PSMB4: variants seen among roughly 807,000 people sequenced by gnomAD.
PSMB4 encodes proteasome 20S subunit beta 4, also known as proteasome subunit beta type-4.
PSMB4 carries 16 observed loss-of-function variants against 35.2 expected under a neutral mutation model. The observed-to-expected ratio is 0.45, with a 90% CI of 0.31 to 0.69. The LOEUF (loss-of-function observed/expected upper bound fraction) is 0.69, where lower values mean the gene tolerates loss of function less well. Ranked by LOEUF, PSMB4 falls within the 30% of genes least tolerant of loss-of-function variation. The probability of loss-of-function intolerance (pLI) is 0.06; values close to 1 mark genes in which losing one functional copy is unlikely to be tolerated. For synonymous variants in PSMB4, 144 were observed against 134.1 expected (o/e 1.07, Z -0.51); for missense variants, 333 against 351.8 (o/e 0.95, Z 0.43).
At chr1:151,400,301 G>C in intron 2 of PSMB4, 114 bp downstream of exon 2, 1 of 1,456,142 alleles carries the variant, frequency 6.9e-7, no homozygotes, top group South Asian at 1.2e-5. Context: ...TGGAAGAGTT[G>C]TTGGAGGTGG....
At position 151,400,271 on chromosome 1, in the gene PSMB4, G is replaced by C. The variant is rs1652767411; in HGVS notation, c.347+84G>C. 1.2e-5 allele frequency: 18 copies of C among 1,503,378 alleles called. No individual in the cohort carries two copies. The East Asian group carries it at 3.9e-4, about 32-fold the overall frequency. 93.1% of individuals were successfully genotyped at this position (1,503,378 alleles called of 1,614,324 possible). ...TTTATTCCCTTCGATGGGATGGGGG[G>C]ACTTGTTGCAGCGGGGGACTGGAAG... is the stretch of plus-strand genomic sequence containing the variant. On this transcript the variant is annotated intron_variant, in intron 2 of 6. Coordinates refer to ENST00000290541, the MANE Select transcript of PSMB4 (RefSeq NM_002796.3).
Position 151,401,619 on chromosome 1 carries a change from C to G in PSMB4, c.771C>G (p.Ala257=), listed in dbSNP as rs760061076. 8.7e-6 allele frequency: 14 copies of G among 1,606,800 alleles called. No homozygotes were observed. The South Asian group carries it at 1.5e-4, about 18-fold the overall frequency. Residue 257 remains alanine (A), a synonymous_variant, in exon 6 of 7, where the codon GCC becomes GCG. Transcript: ENST00000290541. ...PLSTETNWDI[A]HMISGFE Reference sequence around the variant, plus strand: ...CTACAGAGACCAACTGGGATATTGCCCACATGATCAGGTGAGTAATAGGGA... The same window carrying G: ...CTACAGAGACCAACTGGGATATTGCGCACATGATCAGGTGAGTAATAGGGA...
rs1159959038 is a variant in PSMB4, at chr1:151,400,003, TCAGTC to T, written c.165_169del (p.Val56ArgfsTer3). 3 of 1,613,882 alleles carry T rather than the reference TCAGTC, an allele frequency of 1.9e-6. No homozygotes were observed. The highest frequency in any genetic ancestry group is 2.5e-6 in the Non-Finnish European group (3 of 1,179,946). On this transcript the variant is annotated frameshift_variant, in exon 2 of 7. Coordinates refer to ENST00000290541, the MANE Select transcript of PSMB4 (RefSeq NM_002796.3). LOFTEE classifies it high-confidence loss of function. ...TAGGAACCCCATGGTGACCGGGACC[TCAGTC>T]CTCGGCGTTAAGTTCGAGGGCGGAG...
intron 6 of PSMB4, 57 bp from the exon 7 acceptor site, chr1:151,401,760 T>G: frequency 6.3e-7 from 1 of 1,580,908 alleles, no homozygotes. Flanking sequence ...TACAGCTATT[T>G]TTAGGAATTG....
intron 4 of PSMB4, 151 bp downstream of exon 4, chr1:151,400,996 G>A (rs1242317252): frequency 8.3e-6 from 7 of 843,816 alleles, no homozygotes; most frequent in Admixed American, 2.0e-5. Flanking sequence ...GGGGCTGTAG[G>A]TGTTGACACT....
At position 151,400,445 on chromosome 1, in the gene PSMB4, T is replaced by C. The variant is rs933171351; in HGVS notation, c.351T>C (p.Ile117=). Residue 117 remains isoleucine, a synonymous_variant, in exon 3 of 7, where the codon ATT becomes ATC. Transcript: ENST00000290541. ...YLKQVLGQMV[I]DEELLGDGHS... is the part of the protein sequence containing the mutation. ...CTCACAACCAATTCCTTTTAAGGAT[T>C]GATGAGGAGCTTCTGGGAGATGGAC... 1 of 1,612,834 alleles carries C rather than the reference T, an allele frequency of 6.2e-7. No homozygotes were observed. The highest frequency in any genetic ancestry group is 2.2e-5 in the East Asian group (1 of 44,876).
chr1:151,400,238 C>T (rs750551368), intron 2 of PSMB4, 51 bp downstream of exon 2: 3 of 1,582,918 alleles, frequency 1.9e-6, no homozygotes, highest in Non-Finnish European at 2.6e-6. Flanking sequence ...GAGGGGAGTC[C>T]CCTGTTTTTT....
rs1451044185 is a variant in PSMB4, at chr1:151,401,354, G to A, written c.692G>A (p.Arg231Gln). 1.2e-6 allele frequency: 2 copies of A among 1,613,852 alleles called. No homozygotes were observed. The highest frequency in any genetic ancestry group is 8.5e-7 in the Non-Finnish European group (1 of 1,179,848). Residue 231 changes from arginine (R) to glutamine (Q), a missense_variant and splice_region_variant, in exon 5 of 7, where the codon CGG becomes CAG. Transcript: ENST00000290541. ...TACCGAGATGCCCGTTCTTACAACC[G>A]GGTGAGGGATGTGCTGGGAACCTAA... ...LYYRDARSYN[R>Q]FQIATVTEKG...
At position 151,400,771 on chromosome 1, in the gene PSMB4, G is replaced by A. The variant is rs757837361; in HGVS notation, c.502G>A (p.Gly168Ser). ...CCCATTGTGTCCTGTTAGCTTCCTC[G>A]GTTATGTGGACATGCTTGGTGTAGC... ...GGYADGESFL[G>S]YVDMLGVAYE... is the part of the protein sequence containing the mutation. The change falls in exon 4 of 7, where the codon GGT (glycine) becomes AGT (serine). Residue 168 changes from glycine to serine, a missense_variant. Transcript: ENST00000290541. 3 of 1,614,146 alleles carry A rather than the reference G, an allele frequency of 1.9e-6. No individual in the cohort carries two copies. Among genetic ancestry groups the A allele is most frequent in the East Asian group, 2.2e-5 (1 of 44,882 alleles).
chr1:151,401,394 C>A (rs2102123253), intron 5 of PSMB4, 39 bp downstream of exon 5: 1 of 1,592,704 alleles, frequency 6.3e-7, no homozygotes, highest in South Asian at 1.1e-5. Context: ...CGGGCTCTGG[C>A]TACTTGCAAT....
Position 151,400,330 on chromosome 1 carries a change from A to T in PSMB4, c.348-112A>T, listed in dbSNP as rs6697007. 97 of 1,478,632 alleles carry T rather than the reference A, an allele frequency of 6.6e-5. No individual in the cohort carries two copies. The African/African-American group carries it at 1.2e-3, about 18-fold the overall frequency. The allele number at this position is 1,478,632 out of a possible 1,614,324, so 91.6% of individuals were successfully genotyped here. ...GAGGTGGGCGATCTGTGTTTGCAAT[A>T]AAGTTTTTGGCATTAGGTGTAAAAT... is the stretch of plus-strand genomic sequence containing the variant. On this transcript the variant is annotated intron_variant, in intron 2 of 6. Coordinates refer to ENST00000290541, the MANE Select transcript of PSMB4 (RefSeq NM_002796.3).
rs757443666 is a variant in PSMB4 at position 151,399,990 on chromosome 1, G to T, written c.150G>T (p.Met50Ile). The T allele has an allele frequency of 1.2e-6, 2 of 1,613,822 alleles. No individual in the cohort carries two copies. Among genetic ancestry groups the T allele is most frequent in the Non-Finnish European group, 1.7e-6 (2 of 1,179,918 alleles). The part of the protein sequence containing the change: ...RGPITRTQNP[M>I]VTGTSVLGVK... ...CGTTCTCACTCTTTAGGAACCCCATGGTGACCGGGACCTCAGTCCTCGGCG... is the reference window on the plus strand; with the variant it reads ...CGTTCTCACTCTTTAGGAACCCCATTGTGACCGGGACCTCAGTCCTCGGCG... The change falls in exon 2 of 7, where the codon ATG becomes ATT. Residue 50 changes from methionine (M) to isoleucine (I), a missense_variant. Physicochemically the swap from Met to Ile is conservative, Grantham distance 10. Transcript: ENST00000290541.
chr1:151,401,824 G>A lies in PSMB4; in HGVS notation c.790G>A (p.Glu264Lys). Residue 264 changes from glutamate (E) to lysine (K), a missense_variant, in exon 7 of 7, where the codon GAA (glutamate) becomes AAA (lysine). Transcript: ENST00000290541. Reference sequence around the variant, plus strand: ...TCTGTCTTCCTTTTTTAGTGGCTTTGAATGAAATACAGATGCATTATCCAG... The same window carrying A: ...TCTGTCTTCCTTTTTTAGTGGCTTTAAATGAAATACAGATGCATTATCCAG... ...WDIAHMISGF[E>K] 1 of 1,610,884 alleles carries A rather than the reference G, an allele frequency of 6.2e-7. No homozygotes were observed. Among genetic ancestry groups the A allele is most frequent in the Non-Finnish European group, 8.5e-7 (1 of 1,177,070 alleles).
Position 151,399,668 on chromosome 1 carries a change from T to C in PSMB4, c.81T>C (p.Thr27=), listed in dbSNP as rs1441364563. The change falls in exon 1 of 7, where the codon ACT becomes ACC. Residue 27 remains threonine, a synonymous_variant. Coordinates refer to ENST00000290541, the MANE Select transcript of PSMB4 (RefSeq NM_002796.3). ...GACAGTTTTACCGCATTCCGTCCAC[T>C]CCCGATTCCTTCATGGATCCGGCGT... is the stretch of plus-strand genomic sequence containing the variant. The part of the protein sequence containing the change: ...APGQFYRIPS[T]PDSFMDPASA... 1 of 1,614,088 alleles carries C rather than the reference T, an allele frequency of 6.2e-7. No individual in the cohort carries two copies.
chr1:151,399,978 T>C lies in PSMB4; in HGVS notation c.141-3T>C, dbSNP rs1008360177. The C allele has an allele frequency of 5.6e-6, 9 of 1,613,360 alleles. No individual in the cohort carries two copies. The African/African-American group carries it at 1.2e-4, about 22-fold the overall frequency. ...CTCAGCTCCCACCGTTCTCACTCTT[T>C]AGGAACCCCATGGTGACCGGGACCT... On this transcript the variant is annotated splice_region_variant and splice_polypyrimidine_tract_variant and intron_variant, in intron 1 of 6. Coordinates refer to ENST00000290541, the MANE Select transcript of PSMB4 (RefSeq NM_002796.3).
At chr1:151,400,647 ATCTCTTCTGTC>A (rs1418009380) in intron 3 of PSMB4, 59 bp downstream of exon 3, 1 of 1,612,436 alleles carries the variant, frequency 6.2e-7, no homozygotes, top group African/African-American at 1.3e-5. Flanking sequence ...CCTGTGTAGT[ATCTCTTCTGTC>A]TCTTCTCCCC....
Position 151,401,898 on chromosome 1 carries a change from A to AGC in PSMB4, c.*70_*71insCG, listed in dbSNP as rs1491231289. 1.1e-5 allele frequency: 15 copies of AGC among 1,423,698 alleles called. No individual in the cohort carries two copies. The highest frequency in any genetic ancestry group is 1.4e-5 in the Non-Finnish European group (14 of 1,011,840). 88.2% of individuals were successfully genotyped at this position (1,423,698 alleles called of 1,614,324 possible). A position where few individuals can be genotyped will look rare whatever the true frequency, so the allele number is the denominator to read the frequency against. On this transcript the variant is annotated 3_prime_UTR_variant, in exon 7 of 7. Coordinates refer to ENST00000290541, the MANE Select transcript of PSMB4 (RefSeq NM_002796.3). ...CTTTGAACTTGGCTAGTTCAAAGAT[A>AGC]GACTCTTCTTTTGTAAAGTAAATAA...
At chr1:151,401,704 G>C in intron 6 of PSMB4, 74 bp downstream of exon 6, 1 of 1,538,016 alleles carries the variant, frequency 6.5e-7, no homozygotes, top group Non-Finnish European at 9.0e-7. Flanking sequence ...TTTTCTGGGA[G>C]GCTCACCCAG....
chr1:151,400,863 A>G lies in PSMB4; in HGVS notation c.576+18A>G. 1 of 1,604,084 alleles carries G rather than the reference A, an allele frequency of 6.2e-7. No individual in the cohort carries two copies. Among genetic ancestry groups the G allele is most frequent in the South Asian group, 1.1e-5 (1 of 90,874 alleles). On this transcript the variant is annotated intron_variant, in intron 4 of 6. Coordinates refer to ENST00000290541, the MANE Select transcript of PSMB4 (RefSeq NM_002796.3). ...TGGCTCAGGTAAGTAGTAAGTCTAG[A>G]GGTGGGGGAAAGGGAAGACAAAAGG...
Sources: allele counts gnomAD v4.1 joint callset, GRCh38; gene constraint gnomAD v4.1.1; transcripts MANE v1.5; gene names NCBI Gene and HGNC (gene_info 2026-07-23, HGNC 2026-07-21).